SORCS2: variants seen among roughly 807,000 people sequenced by gnomAD.
SORCS2 encodes VPS10 domain-containing receptor SorCS2.
SORCS2 carries 100 observed loss-of-function variants against 141.6 expected under a neutral mutation model. The ratio of observed to expected loss-of-function variants is 0.71; its 90% CI spans 0.60 to 0.83. The LOEUF (loss-of-function observed/expected upper bound fraction) is 0.83. Ranked by LOEUF, SORCS2 falls within the 40% of genes least tolerant of loss-of-function variation. The pLI is 0.00. For missense variants in SORCS2, 1,646 were observed against 1,560.2 expected (o/e 1.05, Z -0.93); for synonymous variants, 789 against 676.9 (o/e 1.17, Z -2.57).
intron 1 of SORCS2, among the ~76,000 whole-genome samples, chr4:7,283,625 G>C (rs1430824483): frequency 2.6e-5 from 4 of 152,178 alleles, no homozygotes; most frequent in Admixed American, 2.0e-4. Context: ...TCTGACCTGT[G>C]CCTGCCCTTG....
intron 1 of SORCS2, among the ~76,000 whole-genome samples, chr4:7,349,256 C>G (rs896061860): frequency 5.9e-5 from 9 of 152,160 alleles, no homozygotes; most frequent in Non-Finnish European, 1.5e-5. Context: ...CCACCCCTGC[C>G]GTAGGGAGCA....
At chr4:7,694,643 AG>A (rs1437946457) in intron 11 of SORCS2, among the ~76,000 whole-genome samples, 1 of 152,216 alleles carries the variant, frequency 6.6e-6, no homozygotes, top group Non-Finnish European at 1.5e-5. Context: ...GAAAGATAAA[AG>A]GCATCTTTTC....
intron 3 of SORCS2, among the ~76,000 whole-genome samples, chr4:7,571,876 G>A (rs565510386): frequency 6.6e-5 from 10 of 152,218 alleles, no homozygotes; most frequent in East Asian, 5.8e-4. Flanking sequence ...GGGACTTGTC[G>A]ACCCCCCTCG....
chr4:7,580,393 G>A (rs1322965515), intron 3 of SORCS2, among the ~76,000 whole-genome samples: 1 of 152,074 alleles, frequency 6.6e-6, no homozygotes, highest in Non-Finnish European at 1.5e-5. Context: ...AGGAGGCTGA[G>A]CCATGAGAAT....
chr4:7,224,934 G>T (rs1428627861), intron 1 of SORCS2, among the ~76,000 whole-genome samples: 1 of 152,212 alleles, frequency 6.6e-6, no homozygotes, highest in African/African-American at 2.4e-5. Context: ...TCTTTGCTTT[G>T]GTGTAAACAG....
intron 1 of SORCS2, among the ~76,000 whole-genome samples, chr4:7,384,459 C>T (rs10937810): frequency 0.5 from 76,156 of 152,042 alleles, 20,224 homozygotes; most frequent in East Asian, 0.73. Flanking sequence ...GGTCAGACCT[C>T]GGGGGACTGG....
intron 4 of SORCS2, among the ~76,000 whole-genome samples, chr4:7,641,490 C>G (rs1279704771): frequency 6.6e-6 from 1 of 152,196 alleles, no homozygotes; most frequent in Admixed American, 6.5e-5. Context: ...GTGGGGATTA[C>G]AATTTGAGAT....
At chr4:7,703,176 C>T in intron 12 of SORCS2, 104 bp from the exon 13 acceptor site, 3 of 890,848 alleles carry the variant, frequency 3.4e-6, no homozygotes, top group South Asian at 1.8e-5. Flanking sequence ...CTGCCAACAA[C>T]CCCCGGCTGC....
At chr4:7,576,817 C>G (rs760309687) in intron 3 of SORCS2, among the ~76,000 whole-genome samples, 1 of 152,222 alleles carries the variant, frequency 6.6e-6, no homozygotes, top group Non-Finnish European at 1.5e-5. Context: ...GCTGTAAGAA[C>G]TGGAGCCAGC....
chr4:7,463,519 C>T (rs1158652190), intron 2 of SORCS2, among the ~76,000 whole-genome samples: 2 of 152,176 alleles, frequency 1.3e-5, no homozygotes, highest in African/African-American at 4.8e-5. Flanking sequence ...CGCAGAAGCT[C>T]TCGACTCCAG....
chr4:7,195,364 A>C (rs1185968703), intron 1 of SORCS2, among the ~76,000 whole-genome samples: 3 of 152,186 alleles, frequency 2.0e-5, no homozygotes, highest in Admixed American at 6.5e-5. Context: ...ACACTTAGCA[A>C]ACACTCGGGG....
At chr4:7,452,108 C>T (rs1344380316) in intron 2 of SORCS2, among the ~76,000 whole-genome samples, 2 of 152,096 alleles carry the variant, frequency 1.3e-5, no homozygotes, top group East Asian at 3.9e-4. Context: ...ACCACTGACC[C>T]ACAGCTCCCA....
At chr4:7,479,118 A>C (rs759957163) in intron 2 of SORCS2, among the ~76,000 whole-genome samples, 4 of 151,636 alleles carry the variant, frequency 2.6e-5, no homozygotes, top group Non-Finnish European at 4.4e-5. Context: ...TAAAGGGAGA[A>C]AGGCACACAG....
chr4:7,321,359 G>C (rs1718883436), intron 1 of SORCS2, among the ~76,000 whole-genome samples: 1 of 152,054 alleles, frequency 6.6e-6, no homozygotes, highest in South Asian at 2.1e-4. Flanking sequence ...GGGCACTTAG[G>C]GTGGTTAGAA....
At chr4:7,523,927 A>G (rs1399120528) in intron 2 of SORCS2, among the ~76,000 whole-genome samples, 2 of 152,128 alleles carry the variant, frequency 1.3e-5, no homozygotes, top group South Asian at 2.1e-4. Flanking sequence ...ACTGGCCTCA[A>G]ACTCTTCCTG....
At chr4:7,715,493 A>G (rs1026057498) in intron 17 of SORCS2, among the ~76,000 whole-genome samples, 182 bp downstream of exon 17, 1 of 152,206 alleles carries the variant, frequency 6.6e-6, no homozygotes, top group Non-Finnish European at 1.5e-5. Context: ...CGGTGCTCAT[A>G]TGAGTCACCA....
intron 2 of SORCS2, among the ~76,000 whole-genome samples, chr4:7,425,833 G>T (rs1726396315): frequency 6.6e-6 from 1 of 152,246 alleles, no homozygotes; most frequent in African/African-American, 2.4e-5. Context: ...GCATCCCGAG[G>T]CAGGGACGGC....
At chr4:7,227,556 AG>A (rs201951119) in intron 1 of SORCS2, among the ~76,000 whole-genome samples, 3 of 152,096 alleles carry the variant, frequency 2.0e-5, no homozygotes, top group Non-Finnish European at 4.4e-5. Flanking sequence ...GGAAGGTGGC[AG>A]GGGGCACGTT....
At chr4:7,359,596 A>G (rs1721459204) in intron 1 of SORCS2, among the ~76,000 whole-genome samples, 1 of 152,174 alleles carries the variant, frequency 6.6e-6, no homozygotes, top group Non-Finnish European at 1.5e-5. Context: ...GGAGGTTCCA[A>G]CGATTCGCTC....
Sources: gnomAD v4.1 joint callset for allele counts (sites outside exome capture counted in the v4.1 genomes callset) on GRCh38, gnomAD v4.1.1 for gene constraint, MANE v1.5 for transcripts, NCBI Gene and HGNC (gene_info 2026-07-23, HGNC 2026-07-21) for gene names.